Variants in BNC2 observed in about 807,000 individuals in gnomAD.
The protein encoded by BNC2 is zinc finger protein basonuclin-2.
In BNC2, 20 loss-of-function variants were observed where a neutral mutation model predicts 76.3. The ratio of observed to expected loss-of-function variants is 0.26; its 90% CI spans 0.18 to 0.38. The LOEUF is 0.38. Ranked by LOEUF, BNC2 falls within the 10% of genes least tolerant of loss-of-function variation. The probability of loss-of-function intolerance (pLI) is 1.00; values close to 1 mark genes in which losing one functional copy is unlikely to be tolerated. For synonymous variants in BNC2, 582 were observed against 514.8 expected (o/e 1.13, Z -1.77); for missense variants, 1,382 against 1,399.8 (o/e 0.99, Z 0.20).
chr9:16,865,776 TATC>T (rs1473034808), intron 1 of BNC2, among the ~76,000 whole-genome samples: 1 of 152,188 alleles, frequency 6.6e-6, no homozygotes, highest in African/African-American at 2.4e-5. Context: ...ATATCTGTAA[TATC>T]ATTCTTACGC....
intron 3 of BNC2, among the ~76,000 whole-genome samples, chr9:16,603,325 C>A (rs182744295): frequency 7.2e-4 from 110 of 152,262 alleles, no homozygotes; most frequent in African/African-American, 2.6e-3. Context: ...TAATGTTATA[C>A]AAGAAAACTT....
intron 1 of BNC2, 64 bp from the exon 2 acceptor site, chr9:16,738,549 A>C: frequency 6.8e-7 from 1 of 1,474,910 alleles, no homozygotes; most frequent in Non-Finnish European, 9.0e-7. Flanking sequence ...AGCATTGAGT[A>C]CATCAAAACT....
At chr9:16,467,990 G>A (rs1422565016) in intron 5 of BNC2, among the ~76,000 whole-genome samples, 1 of 149,628 alleles carries the variant, frequency 6.7e-6, no homozygotes, top group Non-Finnish European at 1.5e-5. Flanking sequence ...AGTGGATGCT[G>A]TTCTGTTACT....
chr9:16,781,197 G>C (rs1183260767), intron 1 of BNC2, among the ~76,000 whole-genome samples: 1 of 149,926 alleles, frequency 6.7e-6, no homozygotes, highest in African/African-American at 2.5e-5. Context: ...GCTTTTACTT[G>C]AACAGATACA....
chr9:16,855,590 T>A (rs989774662), intron 1 of BNC2, among the ~76,000 whole-genome samples: 2 of 152,170 alleles, frequency 1.3e-5, no homozygotes, highest in African/African-American at 2.4e-5. Flanking sequence ...CAGGCTGGAG[T>A]GCAGCGGCGC....
chr9:16,552,221 T>C (rs1266009806), intron 5 of BNC2, among the ~76,000 whole-genome samples: 1 of 152,154 alleles, frequency 6.6e-6, no homozygotes, highest in African/African-American at 2.4e-5. Context: ...CCCTCCTTTT[T>C]AATAGGGTTA....
At chr9:16,796,271 T>C (rs1407439489) in intron 1 of BNC2, among the ~76,000 whole-genome samples, 1 of 152,224 alleles carries the variant, frequency 6.6e-6, no homozygotes, top group Non-Finnish European at 1.5e-5. Context: ...AGCATAAGTA[T>C]AATCCCATAT....
rs1587270156 is a variant in BNC2 at position 16,646,564 on chromosome 9, T to A, written c.331-63479A>T. On this transcript the variant is annotated intron_variant, in intron 3 of 6. Transcript: ENST00000380672. ...GGTAAAATGAATCTATTGTGACAAA[T>A]CAAAATAATGGTTGCCTTAGGGGAA... Among the ~76,000 whole-genome samples, 5 of 152,130 alleles carry A rather than the reference T, an allele frequency of 3.3e-5. No individual in the cohort carries two copies. In the Middle Eastern group the frequency reaches 0.017, roughly 517 times the overall value.
intron 4 of BNC2, among the ~76,000 whole-genome samples, chr9:16,553,974 G>GTTAA (rs1328811835): frequency 6.6e-6 from 1 of 152,078 alleles, no homozygotes; most frequent in East Asian, 1.9e-4. Flanking sequence ...TGCCCATTTA[G>GTTAA]GAATTAAACA....
In BNC2 at chr9:16,416,333, C is replaced by A. The variant is rs1820583687; in HGVS notation, c.*2656G>T. The A allele has an allele frequency of 6.6e-6, 1 of 152,546 alleles. No individual in the cohort carries two copies. The highest frequency in any genetic ancestry group is 1.5e-5 in the Non-Finnish European group (1 of 68,026). The allele number at this position is 152,546 out of a possible 1,614,324, so 9.4% of individuals were successfully genotyped here. ...TGTTGGGATATTAAAAATCTTTTCC[C>A]ACCCTTTTTGAATCTAACCATTTGG... On this transcript the variant is annotated 3_prime_UTR_variant, in exon 7 of 7. Transcript: ENST00000380672.
chr9:16,780,235 C>CAAAAAAAAAAAAAAAAAA (rs372583425), intron 1 of BNC2, among the ~76,000 whole-genome samples: 1 of 66,306 alleles, frequency 1.5e-5, no homozygotes, highest in Non-Finnish European at 2.7e-5. Context: ...GACTTCGTTT[C>CAAAAAAAAAAAAAAAAAA]AAAAAAAAAA....
At position 16,501,733 on chromosome 9, in the gene BNC2, C is replaced by A. The variant is rs775380655; in HGVS notation, c.669+50797G>T. On this transcript the variant is annotated intron_variant, in intron 5 of 6. Transcript: ENST00000380672. ...CAATTGGTTTGATGGAAACGCTGAT[C>A]CCATTAGGGGCTGGATGAATGGCTA... 1.5e-4 allele frequency among the ~76,000 whole-genome samples: 23 copies of A among 152,114 alleles called. 1 individual carries two copies. The highest frequency in any genetic ancestry group is 2.8e-4 in the Non-Finnish European group (19 of 68,032).
chr9:16,781,739 A>T (rs1422607046), intron 1 of BNC2, among the ~76,000 whole-genome samples: 1 of 152,216 alleles, frequency 6.6e-6, no homozygotes, highest in Non-Finnish European at 1.5e-5. Flanking sequence ...TATATAATAA[A>T]TGATGTATAA....
rs182494659 is a variant in BNC2, at chr9:16,412,532, A to C, written c.*6457T>G. ...ATTGTTAACACTTAAGTTTTCAAAG[A>C]AGCAAAGGATGCCGTCACAGACAGC... On this transcript the variant is annotated 3_prime_UTR_variant, in exon 7 of 7. Transcript: ENST00000380672. 18 of 152,704 alleles carry C rather than the reference A, an allele frequency of 1.2e-4. No homozygotes were observed. The highest frequency in any genetic ancestry group is 4.3e-4 in the African/African-American group (18 of 41,548). The allele number at this position is 152,704 out of a possible 1,614,324, so 9.5% of individuals were successfully genotyped here. A position where few individuals can be genotyped will look rare whatever the true frequency, so the allele number is the denominator to read the frequency against.
At chr9:16,616,688 CA>C (rs112502957) in intron 3 of BNC2, among the ~76,000 whole-genome samples, 838 of 73,710 alleles carry the variant, frequency 0.011, 4 homozygotes, top group African/African-American at 0.027. Flanking sequence ...GATCCTCTCT[CA>C]AAAAAAAAAA....
Position 16,419,486 on chromosome 9 carries a change from C to T in BNC2, c.2803G>A (p.Ala935Thr), listed in dbSNP as rs1234264230. Residue 935 changes from alanine (A) to threonine (T), a missense_variant, in exon 7 of 7, where the codon GCC becomes ACC. By Grantham distance (58) the Ala-to-Thr change is moderately conservative. Transcript: ENST00000380672. Reference sequence around the variant, plus strand: ...TCTTCAGTCCCTGCGGGAGAGGAGGCGTCTTCCCTGACATCGAGCCCCATG... The same window carrying T: ...TCTTCAGTCCCTGCGGGAGAGGAGGTGTCTTCCCTGACATCGAGCCCCATG... ...HPMGLDVRED[A>T]SSPAGTEDSH... The T allele has an allele frequency of 2.5e-6, 4 of 1,613,948 alleles. No homozygotes were observed. Among genetic ancestry groups the T allele is most frequent in the African/African-American group, 1.3e-5 (1 of 74,924 alleles).
intron 3 of BNC2, among the ~76,000 whole-genome samples, chr9:16,681,993 A>G (rs1297747320): frequency 6.6e-6 from 1 of 151,992 alleles, no homozygotes; most frequent in Non-Finnish European, 1.5e-5. Context: ...TACCGGCAAC[A>G]CCACTTTGTT....
chr9:16,842,350 G>A (rs1271597815), intron 1 of BNC2, among the ~76,000 whole-genome samples: 3 of 152,144 alleles, frequency 2.0e-5, no homozygotes, highest in Non-Finnish European at 4.4e-5. Context: ...TGGGTGTTTG[G>A]CACTTGCATT....
At chr9:16,510,877 G>A (rs772434459) in intron 5 of BNC2, among the ~76,000 whole-genome samples, 5 of 152,258 alleles carry the variant, frequency 3.3e-5, no homozygotes, top group South Asian at 2.1e-4. Context: ...AGTAATGATT[G>A]CGAGATTTTA....
Sources: gnomAD v4.1 joint callset for allele counts (sites outside exome capture counted in the v4.1 genomes callset) on GRCh38, gnomAD v4.1.1 for gene constraint, MANE v1.5 for transcripts, NCBI Gene and HGNC (gene_info 2026-07-23, HGNC 2026-07-21) for gene names.